The following FRMPD4 variants were observed in gnomAD, a reference collection of about 807,000 sequenced individuals.
FRMPD4 encodes FERM and PDZ domain containing 4.
Under a neutral mutation model 94.1 loss-of-function variants are expected in FRMPD4, and 22 were observed. The observed-to-expected ratio is 0.23, with a 90% CI of 0.17 to 0.33. FRMPD4 has a LOEUF of 0.33. FRMPD4 is among the 10% of genes least tolerant of loss of function. The pLI, the probability that FRMPD4 is intolerant of heterozygous loss-of-function variation, is 1.00. For missense variants in FRMPD4, 1,111 were observed against 1,339.9 expected (o/e 0.83, Z 2.67); for synonymous variants, 631 against 548.6 (o/e 1.15, Z -2.10).
chrX:12,211,821 T>G, intron 1 of FRMPD4, among the ~76,000 whole-genome samples: 1 of 112,260 alleles, frequency 8.9e-6, no homozygotes, highest in East Asian at 2.8e-4. Context: ...ACAAAGCAAA[T>G]AAGCTTTTAA....
At chrX:12,057,344 T>C in intron 3 of FRMPD4, among the ~76,000 whole-genome samples, 1 of 111,944 alleles carries the variant, frequency 8.9e-6, no homozygotes, top group Non-Finnish European at 1.9e-5. Context: ...TGTCTGCTGT[T>C]CTGTGTGTTA....
intron 2 of FRMPD4, among the ~76,000 whole-genome samples, chrX:12,522,769 A>AT (rs2058178565): frequency 9.2e-6 from 1 of 109,149 alleles, no homozygotes; most frequent in Admixed American, 9.7e-5. Context: ...TGCCTGGCTA[A>AT]TTTTTGTATT....
At chrX:12,344,023 A>G (rs760109199) in intron 1 of FRMPD4, among the ~76,000 whole-genome samples, 28 of 112,243 alleles carry the variant, frequency 2.5e-4, no homozygotes, top group African/African-American at 8.7e-4. Flanking sequence ...CTGTGTGACT[A>G]AAGTTGTTTG....
At chrX:11,930,816 A>T (rs1033350455) in intron 3 of FRMPD4, among the ~76,000 whole-genome samples, 2 of 111,361 alleles carry the variant, frequency 1.8e-5, no homozygotes, top group Non-Finnish European at 3.8e-5. Flanking sequence ...TGCTTTGGAC[A>T]TCAGAGAGGC....
At chrX:12,665,898 T>A (rs747544732) in intron 4 of FRMPD4, among the ~76,000 whole-genome samples, 7 of 111,819 alleles carry the variant, frequency 6.3e-5, no homozygotes, top group African/African-American at 2.3e-4. Context: ...AGCATCATAA[T>A]GACAGGATCA....
chrX:12,585,282 G>A lies in FRMPD4; in HGVS notation c.159-24439G>A, dbSNP rs772886506. Among the ~76,000 whole-genome samples, 30 of 109,087 alleles carry A rather than the reference G, an allele frequency of 2.8e-4. 1 individual carries two copies. Among genetic ancestry groups the A allele is most frequent in the East Asian group, 1.7e-3 (6 of 3,485 alleles). 94.7% of individuals were successfully genotyped at this position (109,087 alleles called of 115,157 possible). On this transcript the variant is annotated intron_variant, in intron 2 of 16. Coordinates refer to ENST00000675598, the MANE Select transcript of FRMPD4 (RefSeq NM_001368397.1). ...TGTCATCCAGGCTGGAGTGCAGGGC[G>A]CGATCTCAGCTCACTGCAACCTCTG...
chrX:12,029,718 A>G (rs1351901036), intron 3 of FRMPD4, among the ~76,000 whole-genome samples: 2 of 111,807 alleles, frequency 1.8e-5, no homozygotes, highest in Non-Finnish European at 3.8e-5. Context: ...TCACCTCTTT[A>G]GGTCATGCTC....
intron 4 of FRMPD4, among the ~76,000 whole-genome samples, chrX:12,636,400 T>C (rs1298207793): frequency 1.8e-5 from 2 of 112,114 alleles, no homozygotes; most frequent in African/African-American, 6.5e-5. Flanking sequence ...CTGTATTTCC[T>C]ATGAGAGTTT....
chrX:12,662,139 C>G (rs981106757), intron 4 of FRMPD4, among the ~76,000 whole-genome samples: 1 of 111,341 alleles, frequency 9.0e-6, no homozygotes, highest in Non-Finnish European at 1.9e-5. Context: ...CCACCAGCAG[C>G]GAGTTTAAGG....
intron 3 of FRMPD4, among the ~76,000 whole-genome samples, chrX:11,980,490 A>T (rs1221245992): frequency 1.8e-5 from 2 of 111,146 alleles, no homozygotes; most frequent in African/African-American, 3.3e-5. Flanking sequence ...TGGGTTTCTG[A>T]TATTTTCCCC....
intron 4 of FRMPD4, among the ~76,000 whole-genome samples, chrX:12,619,673 G>A (rs909495954): frequency 8.9e-6 from 1 of 112,079 alleles, no homozygotes; most frequent in African/African-American, 3.2e-5. Flanking sequence ...CCCGGGAAGA[G>A]TCATACCTAC....
intron 2 of FRMPD4, among the ~76,000 whole-genome samples, chrX:12,515,072 A>T (rs1034271958): frequency 1.8e-5 from 2 of 111,093 alleles, no homozygotes; most frequent in Non-Finnish European, 3.8e-5. Flanking sequence ...TATCCCCTTT[A>T]TTATTTTTAT....
chrX:12,049,435 G>T (rs1489056545), intron 3 of FRMPD4, among the ~76,000 whole-genome samples: 1 of 111,240 alleles, frequency 9.0e-6, no homozygotes, highest in African/African-American at 3.3e-5. Context: ...TCAGCAGAGA[G>T]AAATGGTTTT....
At chrX:12,334,826 C>A (rs995517339) in intron 1 of FRMPD4, among the ~76,000 whole-genome samples, 1 of 111,436 alleles carries the variant, frequency 9.0e-6, no homozygotes, top group African/African-American at 3.3e-5. Flanking sequence ...ATAAAGACAG[C>A]TCTAGTACAT....
chrX:12,111,791 A>G, intron 3 of FRMPD4, among the ~76,000 whole-genome samples: 1 of 112,229 alleles, frequency 8.9e-6, no homozygotes, highest in Non-Finnish European at 1.9e-5. Flanking sequence ...GAAGACATTT[A>G]TGCAGCCAAC....
At chrX:12,459,436 AC>A (rs747174649) in intron 1 of FRMPD4, among the ~76,000 whole-genome samples, 24 of 110,742 alleles carry the variant, frequency 2.2e-4, no homozygotes, top group Non-Finnish European at 4.0e-4. Context: ...ACTTCCATCT[AC>A]CCATAGTTTC....
chrX:12,013,930 G>T (rs1463786369), intron 3 of FRMPD4, among the ~76,000 whole-genome samples: 3 of 112,919 alleles, frequency 2.7e-5, no homozygotes, highest in African/African-American at 9.7e-5. Flanking sequence ...TTATGGAACT[G>T]ATTTAATGCA....
intron 14 of FRMPD4, among the ~76,000 whole-genome samples, chrX:12,713,548 A>G (rs748037938): frequency 9.0e-6 from 1 of 111,205 alleles, no homozygotes; most frequent in South Asian, 3.9e-4. Context: ...AGCACACTCC[A>G]AAAAGAAACT....
chrX:11,841,672 G>A (rs189602978), intron 1 of FRMPD4, among the ~76,000 whole-genome samples: 13,602 of 109,370 alleles, frequency 0.12, 1,100 homozygotes, highest in African/African-American at 0.28. Context: ...AGTAGGTTGC[G>A]AAAATTTTCT....
Sources: gnomAD v4.1 joint callset for allele counts (sites outside exome capture counted in the v4.1 genomes callset) on GRCh38, gnomAD v4.1.1 for gene constraint, MANE v1.5 for transcripts, NCBI Gene and HGNC (gene_info 2026-07-23, HGNC 2026-07-21) for gene names.